The following TLN2 variants were observed in gnomAD, a reference collection of about 807,000 sequenced individuals.
TLN2 encodes talin 2.
In TLN2, 118 loss-of-function variants were observed where a neutral mutation model predicts 294.7. That is an observed-to-expected ratio of 0.40 (90% confidence interval 0.34 to 0.47). TLN2 has a LOEUF of 0.47. TLN2 is among the 20% of genes least tolerant of loss of function. The pLI is 0.84. For synonymous variants in TLN2, 1,431 were observed against 1,304.5 expected (o/e 1.10, Z -2.09); for missense variants, 3,083 against 3,282.2 (o/e 0.94, Z 1.48).
chr15:62,403,224 A>G (rs2033153778), intron 1 of TLN2, among the ~76,000 whole-genome samples: 1 of 150,594 alleles, frequency 6.6e-6, no homozygotes, highest in Non-Finnish European at 1.5e-5. Context: ...TCTCAAAAAA[A>G]AAAAAGAGAG....
chr15:62,664,653 G>A (rs916467676), intron 9 of TLN2, among the ~76,000 whole-genome samples: 1 of 151,796 alleles, frequency 6.6e-6, no homozygotes, highest in African/African-American at 2.4e-5. Context: ...GAGGTTGGGA[G>A]TTCGAAACCA....
intron 9 of TLN2, among the ~76,000 whole-genome samples, chr15:62,659,527 T>C (rs999739263): frequency 1.3e-5 from 2 of 152,230 alleles, no homozygotes; most frequent in African/African-American, 2.4e-5. Flanking sequence ...GGTATTGGTC[T>C]TAAAATTAGG....
intron 12 of TLN2, among the ~76,000 whole-genome samples, chr15:62,688,540 C>G (rs529856084): frequency 2.9e-4 from 44 of 152,188 alleles, no homozygotes; most frequent in Non-Finnish European, 5.4e-4. Context: ...TGGTGGTGTT[C>G]CAGTCTTTTG....
chr15:62,799,128 A>G (rs999381222), intron 48 of TLN2, among the ~76,000 whole-genome samples: 44 of 152,198 alleles, frequency 2.9e-4, no homozygotes, highest in Non-Finnish European at 1.0e-4. Context: ...AGAGCCACGC[A>G]CACAGGCATG....
chr15:62,581,959 G>A (rs997603111), intron 1 of TLN2, among the ~76,000 whole-genome samples: 4 of 151,644 alleles, frequency 2.6e-5, no homozygotes, highest in Admixed American at 6.6e-5. Context: ...CAGGAGAATC[G>A]TTTGAACCTG....
chr15:62,554,524 G>A (rs2042500708), intron 1 of TLN2, among the ~76,000 whole-genome samples: 1 of 151,918 alleles, frequency 6.6e-6, no homozygotes, highest in Admixed American at 6.6e-5. Context: ...GAGAATTGTA[G>A]AACTTTGAAA....
chr15:62,706,322 A>T (rs567944240), intron 19 of TLN2, among the ~76,000 whole-genome samples: 1 of 152,374 alleles, frequency 6.6e-6, no homozygotes, highest in Admixed American at 6.5e-5. Context: ...CAATCAAAGG[A>T]TTCTTCTTTC....
At chr15:62,780,337 C>T (rs1052243788) in intron 43 of TLN2, among the ~76,000 whole-genome samples, 3 of 152,188 alleles carry the variant, frequency 2.0e-5, no homozygotes, top group African/African-American at 7.2e-5. Context: ...TGGTCATTCT[C>T]TCCTCTTCCT....
intron 21 of TLN2, 52 bp from the exon 22 acceptor site, chr15:62,711,859 C>A: frequency 6.4e-7 from 1 of 1,552,138 alleles, no homozygotes; most frequent in South Asian, 1.2e-5. Context: ...TGAGGTTTTA[C>A]TGACCTTTGA....
rs546092052 is a variant in TLN2 at position 62,816,838 on chromosome 15, G to A, written c.6772-2678G>A. The stretch of plus-strand genomic sequence containing the variant: ...CATAACTATTAATAACCTGGTAGTC[G>A]TACAGCATATATTGTTGCAGACAAA... On this transcript the variant is annotated intron_variant, in intron 52 of 58. Coordinates refer to ENST00000636159, the MANE Select transcript of TLN2 (RefSeq NM_015059.3). Among the ~76,000 whole-genome samples the A allele has an allele frequency of 5.3e-5, 8 of 152,188 alleles. No homozygotes were observed. In the East Asian group the frequency reaches 9.6e-4, roughly 18 times the overall value.
chr15:62,563,139 G>A (rs1004728338), intron 1 of TLN2, among the ~76,000 whole-genome samples: 2 of 152,054 alleles, frequency 1.3e-5, no homozygotes, highest in African/African-American at 4.8e-5. Context: ...TCAAATTGTA[G>A]TTCTAATTTT....
intron 7 of TLN2, among the ~76,000 whole-genome samples, chr15:62,653,746 A>AC (rs1238482210): frequency 9.3e-5 from 3 of 32,152 alleles, no homozygotes; most frequent in Non-Finnish European, 4.5e-4. Flanking sequence ...ATAAATAAAA[A>AC]TTAAAAAAAA....
chr15:62,614,413 A>T (rs1336153604), intron 2 of TLN2, among the ~76,000 whole-genome samples: 2 of 152,340 alleles, frequency 1.3e-5, no homozygotes, highest in East Asian at 3.9e-4. Flanking sequence ...ATTAGTCATT[A>T]CAGCATCAAC....
intron 1 of TLN2, among the ~76,000 whole-genome samples, chr15:62,442,997 C>G (rs1221028740): frequency 6.6e-6 from 1 of 152,184 alleles, no homozygotes; most frequent in East Asian, 1.9e-4. Context: ...CTTCCACTGT[C>G]CCACCTCCTG....
chr15:62,724,109 C>G (rs1159180078), intron 26 of TLN2, among the ~76,000 whole-genome samples: 1 of 152,084 alleles, frequency 6.6e-6, no homozygotes, highest in Non-Finnish European at 1.5e-5. Flanking sequence ...GAGCATGCCA[C>G]TGCACTCCAA....
At chr15:62,538,355 G>T (rs1215427987) in intron 1 of TLN2, among the ~76,000 whole-genome samples, 4 of 152,038 alleles carry the variant, frequency 2.6e-5, no homozygotes, top group Non-Finnish European at 5.9e-5. Flanking sequence ...TACACTTCTG[G>T]CCTATTAGCC....
chr15:62,750,763 AT>A (rs1221300899), intron 34 of TLN2, among the ~76,000 whole-genome samples: 2 of 152,152 alleles, frequency 1.3e-5, no homozygotes, highest in African/African-American at 2.4e-5. Flanking sequence ...ATTTCTGACT[AT>A]CTCCCAGGTC....
intron 1 of TLN2, among the ~76,000 whole-genome samples, chr15:62,518,114 C>A (rs2040273870): frequency 6.6e-6 from 1 of 152,054 alleles, no homozygotes; most frequent in East Asian, 1.9e-4. Context: ...TTTCGGCTCA[C>A]TGCAACCTCC....
At chr15:62,634,395 T>C (rs531766865) in intron 3 of TLN2, among the ~76,000 whole-genome samples, 4 of 152,352 alleles carry the variant, frequency 2.6e-5, no homozygotes, top group African/African-American at 9.6e-5. Flanking sequence ...TTAAGTTTTA[T>C]ATTTATTTTT....
Sources: gnomAD v4.1 joint callset for allele counts (sites outside exome capture counted in the v4.1 genomes callset) on GRCh38, gnomAD v4.1.1 for gene constraint, MANE v1.5 for transcripts, NCBI Gene and HGNC (gene_info 2026-07-23, HGNC 2026-07-21) for gene names.